Variants in ITFG1 observed in about 807,000 individuals in gnomAD.
ITFG1 encodes integrin alpha FG-GAP repeat containing 1, also known as T-cell immunomodulatory protein.
Under a neutral mutation model 81.8 loss-of-function variants are expected in ITFG1, and 34 were observed. The ratio of observed to expected loss-of-function variants is 0.42; its 90% CI spans 0.32 to 0.55. ITFG1 has a LOEUF of 0.55. Among genes scored for constraint, ITFG1 ranks in the 20% least tolerant of loss-of-function variants. ITFG1 has a pLI of 0.17. For missense variants in ITFG1, 672 were observed against 755.4 expected (o/e 0.89, Z 1.29); for synonymous variants, 285 against 270.6 (o/e 1.05, Z -0.52).
At position 47,158,996 on chromosome 16, in the gene ITFG1, G is replaced by A; in HGVS notation, c.1662-6C>T. The A allele has an allele frequency of 2.2e-6, 3 of 1,352,292 alleles. No homozygotes were observed. The highest frequency in any genetic ancestry group is 2.5e-5 in the East Asian group (1 of 39,816). The allele number at this position is 1,352,292 out of a possible 1,614,324, so 83.8% of individuals were successfully genotyped here. ...GATACAGTTTGGCACTCCAACTGTA[G>A]ATAAAAACAGAACAAATTAAAATTA... On this transcript the variant is annotated splice_polypyrimidine_tract_variant and splice_region_variant and intron_variant, in intron 16 of 17. Transcript: ENST00000320640.
chr16:47,255,986 T>A (rs546410911), intron 12 of ITFG1, among the ~76,000 whole-genome samples: 8 of 152,286 alleles, frequency 5.3e-5, no homozygotes, highest in African/African-American at 1.2e-4. Context: ...TTTTTATTTT[T>A]TTTTTTGAGA....
At chr16:47,228,649 T>C (rs1965783582) in intron 13 of ITFG1, among the ~76,000 whole-genome samples, 1 of 152,206 alleles carries the variant, frequency 6.6e-6, no homozygotes, top group African/African-American at 2.4e-5. Flanking sequence ...GGATTACAGG[T>C]GTAAGCCATG....
At chr16:47,268,266 T>C (rs1036256873) in intron 10 of ITFG1, among the ~76,000 whole-genome samples, 8 of 152,154 alleles carry the variant, frequency 5.3e-5, no homozygotes, top group African/African-American at 1.7e-4. Context: ...TAAAAAACTT[T>C]GTGCCAATAC....
intron 6 of ITFG1, among the ~76,000 whole-genome samples, chr16:47,417,724 A>T (rs1300669117): frequency 6.6e-6 from 1 of 152,112 alleles, no homozygotes; most frequent in African/African-American, 2.4e-5. Context: ...TTCTTTTTTT[A>T]TGGCAGAATA....
chr16:47,242,694 A>G (rs919205427), intron 12 of ITFG1, among the ~76,000 whole-genome samples: 1 of 152,210 alleles, frequency 6.6e-6, no homozygotes, highest in African/African-American at 2.4e-5. Flanking sequence ...AGGTGTTAGG[A>G]AAAGAGCATT....
chr16:47,249,346 G>A (rs1285340646), intron 12 of ITFG1, among the ~76,000 whole-genome samples: 1 of 152,264 alleles, frequency 6.6e-6, no homozygotes. Flanking sequence ...TTGAACACAG[G>A]AGGCAGAGGT....
rs1965062044 is a variant in ITFG1 at position 47,178,796 on chromosome 16, A to C, written c.1454-16132T>G. 2.6e-5 allele frequency among the ~76,000 whole-genome samples: 4 copies of C among 152,364 alleles called. No individual in the cohort carries two copies. In the South Asian group the frequency reaches 8.3e-4, roughly 32 times the overall value. ...CCATCAGAGTGAACAGGCAACCTAC[A>C]GAATGGGAGAAAATTTTTACAATCT... On this transcript the variant is annotated intron_variant, in intron 14 of 17. Coordinates refer to ENST00000320640, the MANE Select transcript of ITFG1 (RefSeq NM_030790.5).
intron 2 of ITFG1, among the ~76,000 whole-genome samples, chr16:47,455,212 T>A (rs1745387513): frequency 6.6e-6 from 1 of 152,204 alleles, no homozygotes; most frequent in African/African-American, 2.4e-5. Flanking sequence ...AGGCAATACA[T>A]TTCCAATTAT....
chr16:47,339,649 T>C (rs1454194646), intron 8 of ITFG1, among the ~76,000 whole-genome samples: 4 of 151,582 alleles, frequency 2.6e-5, no homozygotes, highest in South Asian at 2.1e-4. Context: ...AACTTGAAAA[T>C]AGGACAAATG....
At chr16:47,296,277 A>G (rs889716083) in intron 10 of ITFG1, among the ~76,000 whole-genome samples, 1 of 151,436 alleles carries the variant, frequency 6.6e-6, no homozygotes, top group East Asian at 1.9e-4. Flanking sequence ...TTAACACTAT[A>G]AACTTCCCTC....
At chr16:47,378,089 A>G (rs1355733785) in intron 6 of ITFG1, among the ~76,000 whole-genome samples, 1 of 152,226 alleles carries the variant, frequency 6.6e-6, no homozygotes, top group East Asian at 1.9e-4. Flanking sequence ...AATAATCAGC[A>G]TAAGAAAGTG....
intron 14 of ITFG1, among the ~76,000 whole-genome samples, chr16:47,192,284 T>C (rs1965302220): frequency 1.3e-5 from 2 of 152,224 alleles, no homozygotes; most frequent in Non-Finnish European, 2.9e-5. Context: ...TGAGGTTATC[T>C]AGCTATGAGT....
At chr16:47,263,203 T>C (rs559873250) in intron 10 of ITFG1, 1 of 329,182 alleles carries the variant, frequency 3.0e-6, no homozygotes, top group Admixed American at 3.4e-5. Context: ...GGAGAGGCCC[T>C]GGCCTCTGCT....
intron 7 of ITFG1, among the ~76,000 whole-genome samples, chr16:47,370,665 G>A (rs376466469): frequency 3.9e-5 from 6 of 152,182 alleles, no homozygotes; most frequent in Non-Finnish European, 5.9e-5. Flanking sequence ...TGGAGTTGGC[G>A]CCTGGGGCAG....
intron 7 of ITFG1, among the ~76,000 whole-genome samples, chr16:47,375,629 C>T (rs1968314494): frequency 6.6e-6 from 1 of 152,210 alleles, no homozygotes; most frequent in Non-Finnish European, 1.5e-5. Context: ...TTAACATGCA[C>T]ATTAGGGCAG....
At chr16:47,372,438 G>A (rs1397120679) in intron 7 of ITFG1, among the ~76,000 whole-genome samples, 1 of 150,320 alleles carries the variant, frequency 6.7e-6, no homozygotes, top group Non-Finnish European at 1.5e-5. Flanking sequence ...TACTTCTTTC[G>A]TCTTTTCTAT....
At chr16:47,366,157 A>G (rs1361513125) in intron 7 of ITFG1, among the ~76,000 whole-genome samples, 1 of 152,218 alleles carries the variant, frequency 6.6e-6, no homozygotes. Context: ...GTACTGTGGA[A>G]GGCTTTGGAA....
chr16:47,188,344 C>G (rs1965250580), intron 14 of ITFG1, among the ~76,000 whole-genome samples: 2 of 151,884 alleles, frequency 1.3e-5, no homozygotes, highest in Non-Finnish European at 2.9e-5. Context: ...TTCACTATAG[C>G]AAAGACTTGG....
chr16:47,309,092 G>A lies in ITFG1; in HGVS notation c.1070+2148C>T, dbSNP rs536829596. ...TCTTTTTTTTTTTTTTTTTTGAGAT[G>A]GCGTCTTGCTCTGTCGCCCAGGCTG... On this transcript the variant is annotated intron_variant, in intron 10 of 17. Coordinates refer to ENST00000320640, the MANE Select transcript of ITFG1 (RefSeq NM_030790.5). Among the ~76,000 whole-genome samples, 40 of 132,538 alleles carry A rather than the reference G, an allele frequency of 3.0e-4. No homozygotes were observed. In the South Asian group the frequency reaches 9.3e-3, roughly 31 times the overall value. The allele number at this position is 132,538 out of a possible 152,430, so 87.0% of individuals were successfully genotyped here.
Sources: gnomAD v4.1 joint callset for allele counts (sites outside exome capture counted in the v4.1 genomes callset) on GRCh38, gnomAD v4.1.1 for gene constraint, MANE v1.5 for transcripts, NCBI Gene and HGNC (gene_info 2026-07-23, HGNC 2026-07-21) for gene names.